Variants in FAM83F observed in about 807,000 individuals in gnomAD.
FAM83F encodes the protein scaffolding CK1 anchoring protein F, also known as protein FAM83F.
Under a neutral mutation model 42.9 loss-of-function variants are expected in FAM83F, and 45 were observed. That is an observed-to-expected ratio of 1.05 (90% CI 0.83 to 1.35). The LOEUF is 1.35. Among genes scored for constraint, FAM83F ranks in the 40% most tolerant of loss-of-function variants. FAM83F has a pLI of 0.00. For synonymous variants in FAM83F, 306 were observed against 298.3 expected (o/e 1.03, Z -0.27); for missense variants, 617 against 695.9 (o/e 0.89, Z 1.28).
intron 1 of FAM83F, among the ~76,000 whole-genome samples, chr22:40,015,744 T>C (rs1367964497): frequency 6.6e-6 from 1 of 152,186 alleles, no homozygotes; most frequent in Non-Finnish European, 1.5e-5. Flanking sequence ...CTAGAAGTAA[T>C]CTCTCCGCTC....
intron 1 of FAM83F, among the ~76,000 whole-genome samples, chr22:40,002,934 A>G (rs1424181237): frequency 2.0e-5 from 3 of 152,172 alleles, no homozygotes; most frequent in African/African-American, 7.2e-5. Flanking sequence ...CCGGGAAAGC[A>G]TAAGGTTGCA....
At position 40,023,038 on chromosome 22, in the gene FAM83F, G is replaced by A. The variant is rs972058724; in HGVS notation, c.1453+1075G>A. Among the ~76,000 whole-genome samples the A allele has an allele frequency of 2.6e-5, 4 of 152,230 alleles. No homozygotes were observed. Among genetic ancestry groups the A allele is most frequent in the Admixed American group, 2.6e-4 (4 of 15,284 alleles). On this transcript the variant is annotated intron_variant, in intron 4 of 4. Transcript: ENST00000333407. This position sits in a 1 kb window ranked among gnomAD's most constrained non-coding sequence, Gnocchi z 4.1. Reference sequence around the variant, plus strand: ...CTTCTTGGAGTTGGAACAGGCCTGGGCGCCTCTGTGGCTGTGGGCACAGTG... The same window carrying A: ...CTTCTTGGAGTTGGAACAGGCCTGGACGCCTCTGTGGCTGTGGGCACAGTG...
chr22:40,021,233 A>G lies in FAM83F; in HGVS notation c.780-57A>G, dbSNP rs1214907910. The G allele has an allele frequency of 2.1e-6, 3 of 1,459,192 alleles. No homozygotes were observed. In the Admixed American group the frequency reaches 7.0e-5, roughly 34 times the overall value. 90.4% of individuals were successfully genotyped at this position (1,459,192 alleles called of 1,614,324 possible). A position where few individuals can be genotyped will look rare whatever the true frequency, so the allele number is the denominator to read the frequency against. ...CGGAGGGGCAGGTGGGGGCGGGGGCAGGGCAAGAGAGAGGCCTGGGCACAT... is the reference window on the plus strand; with the variant it reads ...CGGAGGGGCAGGTGGGGGCGGGGGCGGGGCAAGAGAGAGGCCTGGGCACAT... On this transcript the variant is annotated intron_variant, in intron 3 of 4. Transcript: ENST00000333407. The surrounding 1 kb of genome is among the most constrained non-coding windows in gnomAD (Gnocchi z 8.7).
At chr22:39,998,723 G>C (rs975865960) in intron 1 of FAM83F, 14 of 152,044 alleles carry the variant, frequency 9.2e-5, no homozygotes, top group African/African-American at 3.4e-4. Context: ...GTTTTGTTTT[G>C]TTTTGTTTCC....
At position 40,023,500 on chromosome 22, in the gene FAM83F, G is replaced by A. The variant is rs1289676914; in HGVS notation, c.1453+1537G>A. On this transcript the variant is annotated intron_variant, in intron 4 of 4. Transcript: ENST00000333407. The surrounding 1 kb of genome is among the most constrained non-coding windows in gnomAD (Gnocchi z 4.1). ...CCGACAGCAGCAAGGACTATTTCCC[G>A]AGTCCTGACTGAAGTGGAGTGGAAG... is the stretch of plus-strand genomic sequence containing the variant. Among the ~76,000 whole-genome samples the A allele has an allele frequency of 6.6e-6, 1 of 152,172 alleles. No individual in the cohort carries two copies. The highest frequency in any genetic ancestry group is 1.5e-5 in the Non-Finnish European group (1 of 68,022).
intron 1 of FAM83F, among the ~76,000 whole-genome samples, chr22:40,018,441 C>T (rs2067502580): frequency 6.6e-6 from 1 of 151,982 alleles, no homozygotes; most frequent in African/African-American, 2.4e-5. Flanking sequence ...TTCTTTATTC[C>T]ATTTTATTTA....
intron 4 of FAM83F, 135 bp from the exon 5 acceptor site, chr22:40,029,381 C>T: frequency 7.9e-7 from 1 of 1,271,214 alleles, no homozygotes; most frequent in Non-Finnish European, 1.1e-6. Context: ...GTTTCCAGAT[C>T]AGCAGCTTGG....
At chr22:40,012,666 A>G (rs1286419424) in intron 1 of FAM83F, among the ~76,000 whole-genome samples, 1 of 151,414 alleles carries the variant, frequency 6.6e-6, no homozygotes, top group Non-Finnish European at 1.5e-5. Flanking sequence ...GCTACTCGGG[A>G]GGCTGAGGCA....
chr22:40,005,056 A>T (rs1370218495), intron 1 of FAM83F, among the ~76,000 whole-genome samples: 2 of 152,072 alleles, frequency 1.3e-5, no homozygotes, highest in African/African-American at 4.8e-5. Flanking sequence ...CCCTCCCTGC[A>T]CTCTCAACTT....
chr22:40,022,100 T>C, intron 4 of FAM83F, 137 bp downstream of exon 4: 1 of 828,568 alleles, frequency 1.2e-6, no homozygotes, highest in Non-Finnish European at 1.8e-6. Context: ...GCAGGAGCTC[T>C]GGGGTTCCGG....
rs541400483 is a variant in FAM83F, at chr22:40,041,869, C to CT, written c.*12317dup. ...TTAATATTATATTTACTCAATGTTACTTTTTTTTTTTTTGAGACAGGGTCT... is the reference window on the plus strand; with the variant it reads ...TTAATATTATATTTACTCAATGTTACTTTTTTTTTTTTTTGAGACAGGGTCT... On this transcript the variant is annotated 3_prime_UTR_variant, in exon 5 of 5. Coordinates refer to ENST00000333407, the MANE Select transcript of FAM83F (RefSeq NM_138435.4). 3.1e-3 allele frequency: 454 copies of CT among 145,606 alleles called. 2 individuals carry two copies. Among genetic ancestry groups the CT allele is most frequent in the African/African-American group, 4.2e-3 (167 of 39,916 alleles). 9.0% of individuals were successfully genotyped at this position (145,606 alleles called of 1,614,324 possible).
Position 40,031,025 on chromosome 22 carries a change from A to C in FAM83F, c.*1460A>C, listed in dbSNP as rs1327317654. ...ACCACATGTGGCGGCCATTGAGGAG[A>C]TGCAATCTCTCTGGCAGTGGGGAGG... is the stretch of plus-strand genomic sequence containing the variant. On this transcript the variant is annotated 3_prime_UTR_variant, in exon 5 of 5. Coordinates refer to ENST00000333407, the MANE Select transcript of FAM83F (RefSeq NM_138435.4). 1.3e-5 allele frequency: 2 copies of C among 151,960 alleles called. No individual in the cohort carries two copies. Among genetic ancestry groups the C allele is most frequent in the East Asian group, 3.9e-4 (2 of 5,168 alleles). The allele number at this position is 151,960 out of a possible 1,614,324, so 9.4% of individuals were successfully genotyped here.
intron 1 of FAM83F, chr22:39,997,946 AC>A (rs1378606604): frequency 6.6e-6 from 1 of 152,352 alleles, no homozygotes; most frequent in Admixed American, 6.5e-5. Flanking sequence ...AGAGAGGTTG[AC>A]CCTGTTTCAC....
intron 1 of FAM83F, 62 bp from the exon 2 acceptor site, chr22:40,019,106 C>G: frequency 6.3e-7 from 1 of 1,582,802 alleles, no homozygotes; most frequent in East Asian, 2.2e-5. Flanking sequence ...ACCATCTGAG[C>G]AGGGCATGCC....
chr22:40,019,018 C>A, intron 1 of FAM83F, 150 bp from the exon 2 acceptor site: 2 of 857,840 alleles, frequency 2.3e-6, no homozygotes, highest in Non-Finnish European at 3.6e-6. Context: ...GCTCAAAGAT[C>A]GGGGGACGTG....
intron 1 of FAM83F, among the ~76,000 whole-genome samples, chr22:40,018,346 G>A (rs897857487): frequency 1.3e-5 from 2 of 152,196 alleles, no homozygotes; most frequent in Non-Finnish European, 1.5e-5. Flanking sequence ...TGGCATCTCC[G>A]TGATGGCATC....
chr22:40,021,366 A>ACGGAGTT lies in FAM83F; in HGVS notation c.858_864dup (p.Arg289GlyfsTer180). 6.2e-7 allele frequency: 1 copy of ACGGAGTT among 1,611,328 alleles called. No homozygotes were observed. On this transcript the variant is annotated frameshift_variant, in exon 4 of 5. Coordinates refer to ENST00000333407, the MANE Select transcript of FAM83F (RefSeq NM_138435.4). LOFTEE classifies it high-confidence loss of function. The surrounding 1 kb of genome is among the most constrained non-coding windows in gnomAD (Gnocchi z 8.7). ...AGGACAGAACGTAGAGCCCTTTGAC[A>ACGGAGTT]CGGAGTTCCGGGAGCTGTACGCCAT...
chr22:40,008,934 C>A (rs1339808090), intron 1 of FAM83F, among the ~76,000 whole-genome samples: 1 of 152,206 alleles, frequency 6.6e-6, no homozygotes, highest in Non-Finnish European at 1.5e-5. Context: ...AGACTAACTC[C>A]CCTGGGCTGC....
rs1260928051 is a variant in FAM83F at position 40,040,319 on chromosome 22, C to T, written c.*10754C>T. On this transcript the variant is annotated 3_prime_UTR_variant, in exon 5 of 5. Coordinates refer to ENST00000333407, the MANE Select transcript of FAM83F (RefSeq NM_138435.4). ...TAGGTTCAACGATGGGTTAGTTAGC[C>T]CTTCAGTGCCTCCATTTTCCTATCT... 2 of 152,116 alleles carry T rather than the reference C, an allele frequency of 1.3e-5. No individual in the cohort carries two copies. Among genetic ancestry groups the T allele is most frequent in the African/African-American group, 4.8e-5 (2 of 41,404 alleles). 9.4% of individuals were successfully genotyped at this position (152,116 alleles called of 1,614,324 possible).
Sources: gnomAD v4.1 joint callset for allele counts (sites outside exome capture counted in the v4.1 genomes callset) on GRCh38, gnomAD v4.1.1 for gene constraint, Gnocchi (gnomAD v3.1) non-coding constraint, MANE v1.5 for transcripts, NCBI Gene and HGNC (gene_info 2026-07-23, HGNC 2026-07-21) for gene names.